AGBL1: variants seen among roughly 807,000 people sequenced by gnomAD.
AGBL1 encodes cytosolic carboxypeptidase 4.
Under a neutral mutation model 118.9 loss-of-function variants are expected in AGBL1, and 130 were observed. The ratio of observed to expected loss-of-function variants is 1.09; its 90% CI spans 0.95 to 1.26. The LOEUF is 1.26. Among genes scored for constraint, AGBL1 ranks in the 50% most tolerant of loss-of-function variants. The pLI, the probability that AGBL1 is intolerant of heterozygous loss-of-function variation, is 0.00. For missense variants in AGBL1, 1,584 were observed against 1,298.1 expected (o/e 1.22, Z -3.38); for synonymous variants, 555 against 478.9 (o/e 1.16, Z -2.08).
chr15:86,998,869 A>AT (rs980499009), intron 24 of AGBL1, among the ~76,000 whole-genome samples: 2 of 151,034 alleles, frequency 1.3e-5, no homozygotes, highest in Admixed American at 6.6e-5. Context: ...ATATATATAT[A>AT]TTTTTTATTA....
At chr15:86,551,949 T>C (rs1268499305) in intron 20 of AGBL1, among the ~76,000 whole-genome samples, 1 of 152,056 alleles carries the variant, frequency 6.6e-6, no homozygotes, top group Non-Finnish European at 1.5e-5. Flanking sequence ...CCATGGAGAC[T>C]AAAAAGATCG....
At chr15:86,304,001 A>C (rs1183556020) in intron 17 of AGBL1, among the ~76,000 whole-genome samples, 1 of 152,140 alleles carries the variant, frequency 6.6e-6, no homozygotes, top group African/African-American at 2.4e-5. Context: ...CATAATCGTA[A>C]CTGTTGTACT....
intron 5 of AGBL1, among the ~76,000 whole-genome samples, chr15:86,196,821 T>G (rs2077810949): frequency 6.7e-6 from 1 of 150,256 alleles, no homozygotes; most frequent in Non-Finnish European, 1.5e-5. Flanking sequence ...AAAGAGATTT[T>G]CCTTTCTCTC....
At chr15:86,317,866 G>C (rs1428491680) in intron 17 of AGBL1, among the ~76,000 whole-genome samples, 3 of 152,132 alleles carry the variant, frequency 2.0e-5, no homozygotes, top group African/African-American at 7.2e-5. Flanking sequence ...TGAAATTCTT[G>C]AAGTGGAAGA....
At chr15:86,739,630 C>G (rs1456432098) in intron 22 of AGBL1, among the ~76,000 whole-genome samples, 1 of 151,714 alleles carries the variant, frequency 6.6e-6, no homozygotes, top group African/African-American at 2.4e-5. Context: ...ACTTACTGTA[C>G]CAGCTCCCAT....
chr15:86,444,319 A>G (rs1457750238), intron 18 of AGBL1, among the ~76,000 whole-genome samples: 4 of 152,290 alleles, frequency 2.6e-5, no homozygotes, highest in Non-Finnish European at 4.4e-5. Context: ...TCCCGCCCCA[A>G]TAAGTCACTT....
intron 23 of AGBL1, among the ~76,000 whole-genome samples, chr15:86,935,548 C>T (rs2080660069): frequency 1.3e-5 from 2 of 152,202 alleles, no homozygotes; most frequent in African/African-American, 4.8e-5. Context: ...TATGCTCTTT[C>T]CCTCTCTAAA....
At chr15:86,929,703 A>C (rs1384847040) in intron 23 of AGBL1, among the ~76,000 whole-genome samples, 2 of 152,204 alleles carry the variant, frequency 1.3e-5, no homozygotes, top group African/African-American at 2.4e-5. Context: ...TGATCTTCAG[A>C]GGAATCCGGG....
chr15:86,984,866 A>G (rs1014418331), intron 23 of AGBL1, among the ~76,000 whole-genome samples: 2 of 152,284 alleles, frequency 1.3e-5, no homozygotes, highest in African/African-American at 4.8e-5. Flanking sequence ...CCACTACAAT[A>G]TATACAAAAT....
intron 22 of AGBL1, among the ~76,000 whole-genome samples, chr15:86,846,354 T>G (rs8040377): frequency 0.43 from 65,266 of 152,080 alleles, 14,259 homozygotes; most frequent in African/African-American, 0.52. Context: ...TGCTATTGTT[T>G]CTGATAAGAA....
chr15:86,099,233 A>G (rs1045907791), intron 1 of AGBL1, among the ~76,000 whole-genome samples: 2 of 152,258 alleles, frequency 1.3e-5, no homozygotes, highest in South Asian at 4.1e-4. Flanking sequence ...AATAAAAATC[A>G]GAACAGAGAT....
At position 86,132,009 on chromosome 15, in the gene AGBL1, T is replaced by C. The variant is rs28744652; in HGVS notation, c.52-9995T>C. Among the ~76,000 whole-genome samples, 437 of 151,702 alleles carry C rather than the reference T, an allele frequency of 2.9e-3. 2 individuals are homozygous for C. Among genetic ancestry groups the C allele is most frequent in the African/African-American group, 0.01 (415 of 41,380 alleles). Reference sequence around the variant, plus strand: ...GGATGCCAGTTCATATCCTGATGCCTATTTCTTAACCCTCAAATTGTACAG... The same window carrying C: ...GGATGCCAGTTCATATCCTGATGCCCATTTCTTAACCCTCAAATTGTACAG... On this transcript the variant is annotated intron_variant, in intron 1 of 22. Coordinates refer to ENST00000614907, the MANE Select transcript of AGBL1 (RefSeq NM_001386094.1).
intron 1 of AGBL1, among the ~76,000 whole-genome samples, chr15:86,097,491 G>T (rs1229945509): frequency 1.5e-4 from 23 of 150,206 alleles, no homozygotes. Flanking sequence ...ACCCTTCCCA[G>T]CCTCTGATAA....
At chr15:86,965,387 G>A (rs2081038928) in intron 23 of AGBL1, among the ~76,000 whole-genome samples, 1 of 152,096 alleles carries the variant, frequency 6.6e-6, no homozygotes, top group Non-Finnish European at 1.5e-5. Flanking sequence ...GGCCAGTGAT[G>A]ATGAACTTTT....
intron 19 of AGBL1, among the ~76,000 whole-genome samples, chr15:86,533,071 A>G (rs2083372980): frequency 1.1e-5 from 1 of 89,868 alleles, no homozygotes; most frequent in Admixed American, 9.3e-5. Context: ...CATGTCCAAA[A>G]CACCAAAAGC....
intron 22 of AGBL1, among the ~76,000 whole-genome samples, chr15:86,847,318 T>C (rs1485220621): frequency 1.3e-5 from 2 of 152,234 alleles, no homozygotes; most frequent in African/African-American, 4.8e-5. Context: ...ACTTTCTTCT[T>C]TCTTTGTATC....
chr15:86,366,587 T>G (rs2080890791), intron 17 of AGBL1, among the ~76,000 whole-genome samples: 1 of 152,190 alleles, frequency 6.6e-6, no homozygotes, highest in South Asian at 2.1e-4. Flanking sequence ...GATGTGCATC[T>G]ATCCTGGCAT....
At position 86,477,050 on chromosome 15, in the gene AGBL1, C is replaced by T. The variant is rs532532338; in HGVS notation, c.2556-45760C>T. 2.7e-3 allele frequency among the ~76,000 whole-genome samples: 408 copies of T among 152,248 alleles called. 3 individuals carry two copies. The highest frequency in any genetic ancestry group is 7.4e-3 in the African/African-American group (306 of 41,536). On this transcript the variant is annotated intron_variant, in intron 18 of 22. Coordinates refer to ENST00000614907, the MANE Select transcript of AGBL1 (RefSeq NM_001386094.1). ...GAAACCAATGAGAACAAACACACAA[C>T]ATACCAGAATCTCTGGGACACATTT...
At chr15:86,847,957 A>T (rs78204549) in intron 22 of AGBL1, among the ~76,000 whole-genome samples, 9 of 152,174 alleles carry the variant, frequency 5.9e-5, no homozygotes, top group South Asian at 2.1e-4. Context: ...TCAGGCTTGC[A>T]GAGAGACTGG....
Sources: allele counts gnomAD v4.1 joint callset (sites outside exome capture counted in the v4.1 genomes callset), GRCh38; gene constraint gnomAD v4.1.1; transcripts MANE v1.5; gene names NCBI Gene and HGNC (gene_info 2026-07-23, HGNC 2026-07-21).